ECHDC1: variants seen among roughly 807,000 people sequenced by gnomAD.
ECHDC1 encodes the protein ethylmalonyl-CoA decarboxylase 1.
ECHDC1 carries 29 observed loss-of-function variants against 29.7 expected under a neutral mutation model. That is an observed-to-expected ratio of 0.98 (90% CI 0.73 to 1.33). The LOEUF is 1.33. ECHDC1 is among the 40% of genes most tolerant of loss of function. ECHDC1 has a pLI of 0.00. For missense variants in ECHDC1, 328 were observed against 350.0 expected, an observed-to-expected ratio of 0.94 and a Z score of 0.50; for synonymous variants, 126 against 123.1, an observed-to-expected ratio of 1.02 and a Z score of -0.15.
At chr6:127,290,428 C>G (rs1780060040) in intron 5 of ECHDC1, 151 bp from the exon 6 acceptor site, 2 of 791,992 alleles carry the variant, frequency 2.5e-6, no homozygotes, top group Middle Eastern at 3.8e-4. Context: ...GCTGTTTCAT[C>G]TAGAATTTAA....
intron 5 of ECHDC1, 97 bp downstream of exon 5, chr6:127,314,719 C>A: frequency 4.7e-6 from 4 of 844,278 alleles, no homozygotes; most frequent in South Asian, 1.9e-5. Flanking sequence ...TAGGTTTATC[C>A]TATTTAAGAA....
chr6:127,329,960 A>C (rs1783771521), intron 2 of ECHDC1: 1 of 435,730 alleles, frequency 2.3e-6, no homozygotes, highest in African/African-American at 2.0e-5. Flanking sequence ...CAGACTATTG[A>C]ATTATGTCTA....
intron 3 of ECHDC1, among the ~76,000 whole-genome samples, chr6:127,320,206 CG>C (rs1782728036): frequency 6.6e-6 from 1 of 151,950 alleles, no homozygotes; most frequent in Admixed American, 6.6e-5. Context: ...TTAGTAGAAA[CG>C]GGTTTCACCA....
intron 3 of ECHDC1, chr6:127,326,614 T>A: frequency 2.4e-6 from 1 of 409,022 alleles, no homozygotes; most frequent in Non-Finnish European, 5.0e-6. Context: ...AAATATTTTT[T>A]AAAAAAGAAA....
At chr6:127,305,454 T>A (rs1456195920) in intron 5 of ECHDC1, among the ~76,000 whole-genome samples, 1 of 152,094 alleles carries the variant, frequency 6.6e-6, no homozygotes, top group African/African-American at 2.4e-5. Context: ...GAAAACGATG[T>A]CAATGAGCCA....
chr6:127,333,666 T>TACACACACACAC lies in ECHDC1; in HGVS notation c.-2-2648_-2-2637dup, dbSNP rs10523734. Among the ~76,000 whole-genome samples the TACACACACACAC allele has an allele frequency of 3.7e-3, 475 of 128,134 alleles. 9 individuals are homozygous for TACACACACACAC. Among genetic ancestry groups the TACACACACACAC allele is most frequent in the Middle Eastern group, 8.0e-3 (2 of 250 alleles). The allele number at this position is 128,134 out of a possible 152,430, so 84.1% of individuals were successfully genotyped here. ...CATATCAATCATACTCTCTTTCTCT[T>TACACACACACAC]ACACACACACACACACACACACACA... On this transcript the variant is annotated intron_variant, in intron 1 of 5. Transcript: ENST00000454859.
At chr6:127,309,991 A>G (rs1781771547) in intron 5 of ECHDC1, among the ~76,000 whole-genome samples, 1 of 152,158 alleles carries the variant, frequency 6.6e-6, no homozygotes, top group Non-Finnish European at 1.5e-5. Context: ...GAGGATTACA[A>G]TTCAACATGA....
chr6:127,326,594 C>G (rs772656444), intron 3 of ECHDC1: 2 of 405,490 alleles, frequency 4.9e-6, no homozygotes, highest in Non-Finnish European at 1.0e-5. Context: ...TAAAATTATT[C>G]TAAAATTAAA....
chr6:127,329,112 A>T (rs6939662), intron 2 of ECHDC1, among the ~76,000 whole-genome samples: 6 of 151,536 alleles, frequency 4.0e-5, no homozygotes, highest in Non-Finnish European at 5.9e-5. Context: ...TATGGTGCTG[A>T]TTTTTTTTTA....
At chr6:127,333,225 G>C (rs1429989717) in intron 1 of ECHDC1, among the ~76,000 whole-genome samples, 1 of 152,282 alleles carries the variant, frequency 6.6e-6, no homozygotes, top group East Asian at 1.9e-4. Flanking sequence ...GGACAAACTG[G>C]GAAGGAGGTA....
At chr6:127,295,621 T>A (rs1426596033) in intron 5 of ECHDC1, among the ~76,000 whole-genome samples, 1 of 152,254 alleles carries the variant, frequency 6.6e-6, no homozygotes, top group Non-Finnish European at 1.5e-5. Flanking sequence ...ATACTCATTG[T>A]AAGAAAGGAT....
At chr6:127,340,202 A>AT (rs1784806590) in intron 1 of ECHDC1, among the ~76,000 whole-genome samples, 1 of 152,166 alleles carries the variant, frequency 6.6e-6, no homozygotes, top group Non-Finnish European at 1.5e-5. Flanking sequence ...ATTTGAACAG[A>AT]TTTTCTCACA....
chr6:127,304,209 G>T (rs1230943477), intron 5 of ECHDC1, among the ~76,000 whole-genome samples: 1 of 152,156 alleles, frequency 6.6e-6, no homozygotes, highest in Non-Finnish European at 1.5e-5. Flanking sequence ...AGAGAGAGAT[G>T]TCATTTGTTT....
intron 1 of ECHDC1, among the ~76,000 whole-genome samples, chr6:127,334,075 C>T (rs1784212044): frequency 6.6e-6 from 1 of 152,160 alleles, no homozygotes. Flanking sequence ...CTGCTCACAA[C>T]TTTCCTAAAA....
At position 127,330,966 on chromosome 6, in the gene ECHDC1, T is replaced by C; in HGVS notation, c.63A>G (p.Thr21=). ...GGGATGTACTATAAAGTGACAATCC[T>C]GTTTGATGTAGCAATTTTGTCCTTC... ...LSGRTKLLHQ[T]GLSLYSTSHG... Residue 21 remains threonine (T), a synonymous_variant, in exon 2 of 6, where the codon ACA becomes ACG. Transcript: ENST00000454859. The C allele has an allele frequency of 6.2e-7, 1 of 1,614,060 alleles. No individual in the cohort carries two copies. The highest frequency in any genetic ancestry group is 8.5e-7 in the Non-Finnish European group (1 of 1,180,040).
intron 5 of ECHDC1, chr6:127,313,523 A>G: frequency 4.4e-6 from 2 of 452,952 alleles, no homozygotes; most frequent in Non-Finnish European, 8.9e-6. Context: ...TAAATGTACA[A>G]CATGATGTTT....
At chr6:127,328,989 T>C (rs1210213906) in intron 2 of ECHDC1, among the ~76,000 whole-genome samples, 2 of 152,020 alleles carry the variant, frequency 1.3e-5, no homozygotes, top group Non-Finnish European at 2.9e-5. Context: ...ATCGCGCCAC[T>C]GCACTCCAGC....
chr6:127,301,047 G>A (rs1039716926), intron 5 of ECHDC1, among the ~76,000 whole-genome samples: 20 of 152,060 alleles, frequency 1.3e-4, no homozygotes, highest in African/African-American at 4.8e-4. Flanking sequence ...CACTAAAATG[G>A]AAACATAATG....
intron 1 of ECHDC1, among the ~76,000 whole-genome samples, chr6:127,337,683 A>C (rs544129025): frequency 6.6e-6 from 1 of 152,292 alleles, no homozygotes; most frequent in African/African-American, 2.4e-5. Flanking sequence ...TAAATCTCTT[A>C]AAATATTTTA....
Sources: gnomAD v4.1 joint callset for allele counts (sites outside exome capture counted in the v4.1 genomes callset) on GRCh38, gnomAD v4.1.1 for gene constraint, MANE v1.5 for transcripts, NCBI Gene and HGNC (gene_info 2026-07-23, HGNC 2026-07-21) for gene names.